The following RBM47 variants were observed in gnomAD, a reference collection of about 807,000 sequenced individuals.
RBM47 encodes RNA binding motif protein 47.
Under a neutral mutation model 47.1 loss-of-function variants are expected in RBM47, and 21 were observed. That is an observed-to-expected ratio of 0.45 (90% confidence interval 0.32 to 0.64). The LOEUF (loss-of-function observed/expected upper bound fraction) is 0.64. Among genes scored for constraint, RBM47 ranks in the 30% least tolerant of loss-of-function variants. The pLI is 0.05. For missense variants in RBM47, 708 were observed against 870.9 expected, an observed-to-expected ratio of 0.81 and a Z score of 2.35; for synonymous variants, 375 against 361.7, an observed-to-expected ratio of 1.04 and a Z score of -0.42.
At chr4:40,620,813 C>T (rs1209954832) in intron 1 of RBM47, among the ~76,000 whole-genome samples, 1 of 152,112 alleles carries the variant, frequency 6.6e-6, no homozygotes, top group African/African-American at 2.4e-5. Flanking sequence ...GGATTACAGG[C>T]GTGAGCCACT....
chr4:40,433,998 C>CGG (rs138012744), intron 5 of RBM47, among the ~76,000 whole-genome samples: 3,058 of 42,038 alleles, frequency 0.073, 721 homozygotes, highest in East Asian at 0.36. Context: ...GTGTGTGGGG[C>CGG]GGGGGTGTGT....
At chr4:40,605,632 A>G (rs754499141) in intron 1 of RBM47, among the ~76,000 whole-genome samples, 10 of 151,890 alleles carry the variant, frequency 6.6e-5, no homozygotes, top group Non-Finnish European at 1.2e-4. Context: ...GGAGTTTGAG[A>G]CCAGCCTGGC....
intron 1 of RBM47, among the ~76,000 whole-genome samples, chr4:40,570,453 A>C (rs1404036922): frequency 6.6e-6 from 1 of 151,832 alleles, no homozygotes; most frequent in Non-Finnish European, 1.5e-5. Context: ...GCCTATGAGA[A>C]TCTAATGCTG....
At chr4:40,587,965 T>C (rs1485790956) in intron 1 of RBM47, among the ~76,000 whole-genome samples, 1 of 152,128 alleles carries the variant, frequency 6.6e-6, no homozygotes, top group Non-Finnish European at 1.5e-5. Context: ...GACAACACCA[T>C]GGGTAATATT....
chr4:40,606,079 T>A (rs1314095265), intron 1 of RBM47, among the ~76,000 whole-genome samples: 2 of 147,154 alleles, frequency 1.4e-5, no homozygotes, highest in African/African-American at 5.0e-5. Context: ...ACGCCTGCAA[T>A]CCCAGCTACT....
Position 40,465,014 on chromosome 4 carries a change from A to G in RBM47, c.-32+1563T>C, listed in dbSNP as rs962914897. Among the ~76,000 whole-genome samples the G allele has an allele frequency of 7.9e-5, 12 of 151,688 alleles. 1 individual carries two copies. The highest frequency in any genetic ancestry group is 4.6e-4 in the Admixed American group (7 of 15,186). ...TGGGCTTATGGGTAGATTTTGTTAC[A>G]TTTTTCTATAATTTCCAGATTTCCT... On this transcript the variant is annotated intron_variant, in intron 3 of 6. Transcript: ENST00000295971.
At chr4:40,500,310 TC>T (rs201830355) in intron 2 of RBM47, among the ~76,000 whole-genome samples, 1 of 127,428 alleles carries the variant, frequency 7.8e-6, no homozygotes, top group African/African-American at 3.1e-5. Context: ...CCAGACTTCG[TC>T]CCCCCCCAAA....
At chr4:40,542,966 T>C (rs533620471) in intron 2 of RBM47, 1 of 152,342 alleles carries the variant, frequency 6.6e-6, no homozygotes, top group South Asian at 2.1e-4. Flanking sequence ...ATCCTTTCTG[T>C]CCTAATTACT....
intron 2 of RBM47, among the ~76,000 whole-genome samples, chr4:40,525,041 T>C (rs1726560406): frequency 6.6e-6 from 1 of 152,186 alleles, no homozygotes; most frequent in African/African-American, 2.4e-5. Flanking sequence ...GGTAAGGCTA[T>C]GAATTTCACT....
At chr4:40,575,487 G>T (rs571556754) in intron 1 of RBM47, among the ~76,000 whole-genome samples, 3 of 148,408 alleles carry the variant, frequency 2.0e-5, no homozygotes, top group Non-Finnish European at 4.5e-5. Flanking sequence ...GGGAGGCAGC[G>T]GTTGCGGTGA....
chr4:40,443,041 T>C (rs1713899348), intron 3 of RBM47, among the ~76,000 whole-genome samples: 1 of 152,154 alleles, frequency 6.6e-6, no homozygotes, highest in Admixed American at 6.5e-5. Flanking sequence ...ATTATGCTAA[T>C]AGTGAAATAA....
At chr4:40,583,388 G>GAA (rs56371832) in intron 1 of RBM47, among the ~76,000 whole-genome samples, 8 of 91,098 alleles carry the variant, frequency 8.8e-5, no homozygotes, top group African/African-American at 2.0e-4. Context: ...CTCCATCTCA[G>GAA]AAAAAAAAAA....
intron 3 of RBM47, 28 bp from the exon 4 acceptor site, chr4:40,438,952 G>A (rs1713199612): frequency 6.8e-7 from 1 of 1,460,172 alleles, no homozygotes; most frequent in East Asian, 2.4e-5. Flanking sequence ...AGCGTGAGTG[G>A]GGAACCGCTG....
chr4:40,604,723 G>A (rs1208523515), intron 1 of RBM47, among the ~76,000 whole-genome samples: 1 of 152,122 alleles, frequency 6.6e-6, no homozygotes, highest in Non-Finnish European at 1.5e-5. Context: ...CTTTGTTGTT[G>A]TTGTTGTTGT....
intron 1 of RBM47, among the ~76,000 whole-genome samples, chr4:40,579,774 G>A (rs566276383): frequency 6.7e-6 from 1 of 149,408 alleles, no homozygotes; most frequent in Non-Finnish European, 1.5e-5. Context: ...TTGAGACTAG[G>A]TCTCACTCTG....
At chr4:40,520,417 T>C (rs764058574) in intron 2 of RBM47, among the ~76,000 whole-genome samples, 1 of 152,236 alleles carries the variant, frequency 6.6e-6, no homozygotes, top group Non-Finnish European at 1.5e-5. Context: ...CAGAATAATG[T>C]GTCTCTGGGG....
At position 40,434,013 on chromosome 4, in the gene RBM47, G is replaced by A. The variant is rs1235347145; in HGVS notation, c.1331-1151C>T. 7.4e-4 allele frequency among the ~76,000 whole-genome samples: 93 copies of A among 126,270 alleles called. 2 individuals are homozygous for A. Among genetic ancestry groups the A allele is most frequent in the African/African-American group, 2.0e-3 (66 of 32,408 alleles). The allele number at this position is 126,270 out of a possible 152,430, so 82.8% of individuals were successfully genotyped here. A position where few individuals can be genotyped will look rare whatever the true frequency, so the allele number is the denominator to read the frequency against. ...GTGTGTGGGGCGGGGGTGTGTGTGTGTGTGTGTGTGTGTGTGTGTGTGTGT... is the reference window on the plus strand; with the variant it reads ...GTGTGTGGGGCGGGGGTGTGTGTGTATGTGTGTGTGTGTGTGTGTGTGTGT... On this transcript the variant is annotated intron_variant, in intron 5 of 6. Coordinates refer to ENST00000295971, the MANE Select transcript of RBM47 (RefSeq NM_001098634.2).
chr4:40,587,717 C>A (rs893252696), intron 1 of RBM47, among the ~76,000 whole-genome samples: 3 of 152,188 alleles, frequency 2.0e-5, no homozygotes, highest in Non-Finnish European at 4.4e-5. Context: ...GGCGTCATAA[C>A]ACCCCTCAAA....
intron 2 of RBM47, among the ~76,000 whole-genome samples, chr4:40,493,803 G>A (rs955986685): frequency 5.3e-5 from 8 of 150,540 alleles, no homozygotes; most frequent in Non-Finnish European, 8.9e-5. Context: ...GATGGGCATG[G>A]TGATGCATGC....
Sources: allele counts gnomAD v4.1 joint callset (sites outside exome capture counted in the v4.1 genomes callset), GRCh38; gene constraint gnomAD v4.1.1; transcripts MANE v1.5; gene names NCBI Gene and HGNC (gene_info 2026-07-23, HGNC 2026-07-21).